Variants in CSMD1 observed in about 807,000 individuals in gnomAD.
CSMD1 encodes the protein CUB and Sushi multiple domains 1, also known as CUB and sushi domain-containing protein 1.
A neutral mutation model predicts 417.5 loss-of-function variants in CSMD1; 213 were observed. The observed-to-expected ratio is 0.51, with a 90% CI of 0.46 to 0.57. The LOEUF (loss-of-function observed/expected upper bound fraction) is 0.57. CSMD1 is among the 20% of genes least tolerant of loss of function. CSMD1 has a pLI of 0.00. For missense variants in CSMD1, 6,923 were observed against 4,529.7 expected, an observed-to-expected ratio of 1.53 and a Z score of -15.17; for synonymous variants, 2,862 against 1,736.8, an observed-to-expected ratio of 1.65 and a Z score of -16.11.
intron 2 of CSMD1, among the ~76,000 whole-genome samples, chr8:4,602,132 C>T (rs759741402): frequency 4.4e-4 from 67 of 152,306 alleles, no homozygotes; most frequent in Middle Eastern, 3.4e-3. Context: ...CTTTCTGCTC[C>T]CCCAGTTCCC....
intron 10 of CSMD1, among the ~76,000 whole-genome samples, chr8:3,503,003 C>T (rs577880224): frequency 8.5e-5 from 13 of 152,066 alleles, no homozygotes; most frequent in Admixed American, 3.3e-4. Context: ...GCAGGGGGTA[C>T]GGGGAAACTA....
In CSMD1 at chr8:3,867,602, T is replaced by C. The variant is rs566913261; in HGVS notation, c.819-113560A>G. On this transcript the variant is annotated intron_variant, in intron 5 of 69. Transcript: ENST00000635120. ...TGGATATCTGAAACCTAAACAAAAATTTTAATCTATACATATATCTATATA... is the reference window on the plus strand; with the variant it reads ...TGGATATCTGAAACCTAAACAAAAACTTTAATCTATACATATATCTATATA... 1.3e-4 allele frequency among the ~76,000 whole-genome samples: 20 copies of C among 152,236 alleles called. No homozygotes were observed. In the South Asian group the frequency reaches 3.5e-3, roughly 27 times the overall value.
At chr8:3,493,801 C>G in intron 10 of CSMD1, 75 bp from the exon 11 acceptor site, 2 of 1,251,312 alleles carry the variant, frequency 1.6e-6, no homozygotes, top group Non-Finnish European at 2.3e-6. Flanking sequence ...TTGCAAATAT[C>G]TAGTTATACT....
intron 3 of CSMD1, among the ~76,000 whole-genome samples, chr8:4,205,193 T>C (rs186842427): frequency 3.2e-4 from 48 of 152,340 alleles, no homozygotes; most frequent in Admixed American, 1.0e-3. Context: ...CTGATTTAAA[T>C]AATAGCATTG....
chr8:3,758,877 G>T (rs946877606), intron 5 of CSMD1, among the ~76,000 whole-genome samples: 11 of 152,178 alleles, frequency 7.2e-5, no homozygotes, highest in African/African-American at 2.2e-4. Flanking sequence ...TAATGAAAAA[G>T]ATCCTTAAAG....
intron 69 of CSMD1, among the ~76,000 whole-genome samples, chr8:2,940,471 C>A (rs1801794197): frequency 6.6e-6 from 1 of 152,078 alleles, no homozygotes; most frequent in Admixed American, 6.5e-5. Flanking sequence ...CCCCACCGAC[C>A]CAGAGGAGGC....
chr8:4,326,548 A>C (rs1302360175), intron 3 of CSMD1, among the ~76,000 whole-genome samples: 1 of 152,242 alleles, frequency 6.6e-6, no homozygotes, highest in Non-Finnish European at 1.5e-5. Flanking sequence ...AAAGGTGGGC[A>C]TAAAGGAAAG....
At chr8:3,305,486 T>TGGGAGTGGGTTAGCTA (rs1554508064) in intron 25 of CSMD1, among the ~76,000 whole-genome samples, 12 of 152,166 alleles carry the variant, frequency 7.9e-5, no homozygotes, top group African/African-American at 2.4e-4. Flanking sequence ...GCTGTTATCA[T>TGGGAGTGGGTTAGCTA]GGGAGTGGGT....
intron 3 of CSMD1, among the ~76,000 whole-genome samples, chr8:4,081,771 G>A (rs186969220): frequency 1.3e-3 from 193 of 152,072 alleles, no homozygotes; most frequent in Middle Eastern, 6.8e-3. Flanking sequence ...CCAAATATCT[G>A]GAAACCAAGC....
At chr8:3,690,021 A>G (rs888136232) in intron 7 of CSMD1, among the ~76,000 whole-genome samples, 2 of 152,244 alleles carry the variant, frequency 1.3e-5, no homozygotes, top group Non-Finnish European at 2.9e-5. Flanking sequence ...CAGTAAATGG[A>G]GTTCTTGCTT....
chr8:3,629,309 A>T lies in CSMD1; in HGVS notation c.1010-12512T>A, dbSNP rs574523725. Among the ~76,000 whole-genome samples, 4 of 144,472 alleles carry T rather than the reference A, an allele frequency of 2.8e-5. No homozygotes were observed. In the East Asian group the frequency reaches 5.9e-4, roughly 21 times the overall value. 94.8% of individuals were successfully genotyped at this position (144,472 alleles called of 152,430 possible). On this transcript the variant is annotated intron_variant, in intron 7 of 69. Transcript: ENST00000635120. ...TGGAAAGCAGAGACTCTTACTTAAT[A>T]TTATTTTCTTTCACTGATGCATTCA...
At chr8:3,392,824 G>A (rs185163637) in intron 17 of CSMD1, among the ~76,000 whole-genome samples, 268 of 152,122 alleles carry the variant, frequency 1.8e-3, no homozygotes, top group Middle Eastern at 3.4e-3. Context: ...AGTGGGTTGC[G>A]AGCCTCTGAA....
chr8:2,951,170 C>T lies in CSMD1; in HGVS notation c.10145G>A (p.Ser3382Asn), dbSNP rs777380045. The T allele has an allele frequency of 6.2e-7, 1 of 1,613,642 alleles. No individual in the cohort carries two copies. Residue 3382 changes from serine to asparagine, a missense_variant, in exon 66 of 70, where the codon AGC becomes AAC. Coordinates refer to ENST00000635120, the MANE Select transcript of CSMD1 (RefSeq NM_033225.6). ...GCTGAAGGTGGCATTCACCTTACTGCTTGTTGCATTGAACCAGTCAACAGT... is the reference window on the plus strand; with the variant it reads ...GCTGAAGGTGGCATTCACCTTACTGTTTGTTGCATTGAACCAGTCAACAGT... ...TLTVDWFNAT[S>N]SKVNATFSEA...
chr8:4,072,083 G>C (rs916759544), intron 3 of CSMD1, among the ~76,000 whole-genome samples: 2 of 152,204 alleles, frequency 1.3e-5, no homozygotes, highest in African/African-American at 4.8e-5. Context: ...TGACATGCTT[G>C]ACCTGAAAAT....
At chr8:4,942,274 G>C (rs1177886925) in intron 1 of CSMD1, among the ~76,000 whole-genome samples, 1 of 151,604 alleles carries the variant, frequency 6.6e-6, no homozygotes, top group Non-Finnish European at 1.5e-5. Flanking sequence ...CTTCCATCTT[G>C]ATAAAACTAT....
intron 5 of CSMD1, among the ~76,000 whole-genome samples, chr8:3,940,977 C>T (rs1460738214): frequency 6.6e-6 from 1 of 151,134 alleles, no homozygotes; most frequent in African/African-American, 2.4e-5. Context: ...TACTTTTCTA[C>T]TGTTTTTATT....
At chr8:4,952,763 G>A (rs1016790476) in intron 1 of CSMD1, among the ~76,000 whole-genome samples, 1 of 152,066 alleles carries the variant, frequency 6.6e-6, no homozygotes, top group Non-Finnish European at 1.5e-5. Context: ...GAAATTTCCT[G>A]TAATTTCAAT....
At chr8:3,006,683 T>G (rs1309799031) in intron 52 of CSMD1, among the ~76,000 whole-genome samples, 3 of 151,266 alleles carry the variant, frequency 2.0e-5, no homozygotes, top group Non-Finnish European at 4.4e-5. Flanking sequence ...AAGGATTCCC[T>G]ATTTAATAAA....
At chr8:3,553,422 A>G (rs1179119443) in intron 10 of CSMD1, among the ~76,000 whole-genome samples, 2 of 152,206 alleles carry the variant, frequency 1.3e-5, no homozygotes, top group Non-Finnish European at 2.9e-5. Flanking sequence ...TCATGATCTC[A>G]TCCTATGTCT....
Sources: allele counts gnomAD v4.1 joint callset (sites outside exome capture counted in the v4.1 genomes callset), GRCh38; gene constraint gnomAD v4.1.1; transcripts MANE v1.5; gene names NCBI Gene and HGNC (gene_info 2026-07-23, HGNC 2026-07-21).